Variants in GPC5 observed in about 807,000 individuals in gnomAD.
GPC5 encodes glypican 5.
In GPC5, 47 loss-of-function variants were observed where a neutral mutation model predicts 53.9. That is an observed-to-expected ratio of 0.87 (90% CI 0.69 to 1.11). The LOEUF is 1.11. Ranked by LOEUF, GPC5 falls within the 50% of genes most tolerant of loss-of-function variation. The pLI is 0.00. For synonymous variants in GPC5, 286 were observed against 263.3 expected (o/e 1.09, Z -0.84); for missense variants, 748 against 713.1 (o/e 1.05, Z -0.56).
chr13:92,583,967 C>T (rs1017669861), intron 7 of GPC5, among the ~76,000 whole-genome samples: 1 of 152,160 alleles, frequency 6.6e-6, no homozygotes, highest in African/African-American at 2.4e-5. Flanking sequence ...TCCTTGCCTT[C>T]CACCATGATT....
chr13:92,633,939 A>C (rs568580637), intron 7 of GPC5, among the ~76,000 whole-genome samples: 4 of 152,074 alleles, frequency 2.6e-5, no homozygotes, highest in African/African-American at 9.7e-5. Context: ...TGTAGTTATT[A>C]TGTTAAGACA....
intron 7 of GPC5, among the ~76,000 whole-genome samples, chr13:92,858,840 G>A (rs1047218001): frequency 1.3e-5 from 2 of 152,126 alleles, no homozygotes; most frequent in African/African-American, 4.8e-5. Context: ...AAAAGAATTT[G>A]TCAGGGAGTG....
At chr13:91,497,429 C>A (rs912577263) in intron 2 of GPC5, among the ~76,000 whole-genome samples, 13 of 151,986 alleles carry the variant, frequency 8.6e-5, no homozygotes, top group African/African-American at 2.4e-4. Context: ...TATTTTTCTA[C>A]TTGTTGTAAT....
intron 7 of GPC5, among the ~76,000 whole-genome samples, chr13:92,590,430 C>T (rs1883677484): frequency 6.6e-6 from 1 of 152,182 alleles, no homozygotes; most frequent in African/African-American, 2.4e-5. Context: ...ACAGACTGCG[C>T]ACAGGAGACC....
At chr13:91,432,373 A>G (rs1251452019) in intron 1 of GPC5, among the ~76,000 whole-genome samples, 2 of 152,178 alleles carry the variant, frequency 1.3e-5, no homozygotes, top group East Asian at 3.8e-4. Context: ...TGAATTAATG[A>G]ACACAGAAAA....
intron 7 of GPC5, among the ~76,000 whole-genome samples, chr13:92,848,367 G>C (rs952309889): frequency 1.3e-5 from 2 of 152,120 alleles, no homozygotes; most frequent in African/African-American, 4.8e-5. Context: ...CATGAATTCT[G>C]TGAGTTTATG....
chr13:92,441,297 G>A (rs1238820149), intron 7 of GPC5, among the ~76,000 whole-genome samples: 1 of 152,178 alleles, frequency 6.6e-6, no homozygotes, highest in Non-Finnish European at 1.5e-5. Flanking sequence ...TCAAACTCCT[G>A]GCCTCAAGTG....
chr13:91,863,648 T>A (rs1014300075), intron 5 of GPC5, among the ~76,000 whole-genome samples: 1 of 152,156 alleles, frequency 6.6e-6, no homozygotes, highest in Non-Finnish European at 1.5e-5. Flanking sequence ...CTGATTAAAG[T>A]CCATGCATCC....
At chr13:92,125,543 T>G (rs753599510) in intron 6 of GPC5, among the ~76,000 whole-genome samples, 1 of 150,296 alleles carries the variant, frequency 6.7e-6, no homozygotes, top group Non-Finnish European at 1.5e-5. Context: ...ATATCGGGAG[T>G]AGGAGGAGGA....
chr13:92,440,143 G>A (rs1055258996), intron 7 of GPC5, among the ~76,000 whole-genome samples: 1 of 152,122 alleles, frequency 6.6e-6, no homozygotes, highest in African/African-American at 2.4e-5. Context: ...ATATGCAGGT[G>A]CATTACATAA....
At chr13:92,088,710 G>GTA (rs2138892201) in intron 6 of GPC5, among the ~76,000 whole-genome samples, 1 of 152,220 alleles carries the variant, frequency 6.6e-6, no homozygotes, top group Admixed American at 6.5e-5. Flanking sequence ...GCGTCTCTGT[G>GTA]TATATATATC....
intron 2 of GPC5, among the ~76,000 whole-genome samples, chr13:91,531,156 G>A (rs1886323025): frequency 6.6e-6 from 1 of 152,172 alleles, no homozygotes; most frequent in Non-Finnish European, 1.5e-5. Context: ...CAATACCTTT[G>A]AGTAATGATT....
chr13:92,418,336 A>C (rs1409334856), intron 7 of GPC5, among the ~76,000 whole-genome samples: 1 of 146,732 alleles, frequency 6.8e-6, no homozygotes, highest in African/African-American at 2.6e-5. Flanking sequence ...CAAAGCTCTT[A>C]TATTTTTTAA....
chr13:92,843,321 T>G (rs965573351), intron 7 of GPC5, among the ~76,000 whole-genome samples: 1 of 152,200 alleles, frequency 6.6e-6, no homozygotes, highest in African/African-American at 2.4e-5. Context: ...TTTTTGAGTC[T>G]AATTCGCTGA....
In GPC5 at chr13:92,109,061, G is replaced by GTTTTT. The variant is rs35762919; in HGVS notation, c.1402-35750_1402-35746dup. Among the ~76,000 whole-genome samples, 41 of 87,508 alleles carry GTTTTT rather than the reference G, an allele frequency of 4.7e-4. 2 individuals are homozygous for GTTTTT. The highest frequency in any genetic ancestry group is 5.4e-4 in the Non-Finnish European group (25 of 46,190). The allele number at this position is 87,508 out of a possible 152,430, so 57.4% of individuals were successfully genotyped here. Reference sequence around the variant, plus strand: ...CTTCTATGTATGTATCAATATGTTGGTTTTTTTTTTTTTTTTTTTTTTTGA... The same window carrying GTTTTT: ...CTTCTATGTATGTATCAATATGTTGGTTTTTTTTTTTTTTTTTTTTTTTTTTTTGA... On this transcript the variant is annotated intron_variant, in intron 6 of 7. Coordinates refer to ENST00000377067, the MANE Select transcript of GPC5 (RefSeq NM_004466.6).
At chr13:91,564,837 C>T (rs1594260464) in intron 2 of GPC5, among the ~76,000 whole-genome samples, 1 of 151,956 alleles carries the variant, frequency 6.6e-6, no homozygotes, top group East Asian at 1.9e-4. Flanking sequence ...AATATGTCGC[C>T]TTCAAATTAT....
chr13:91,549,037 A>C (rs1187302284), intron 2 of GPC5, among the ~76,000 whole-genome samples: 1 of 152,096 alleles, frequency 6.6e-6, no homozygotes. Context: ...TTGGGAGGCC[A>C]AGGTGGTCGG....
At chr13:92,812,069 C>T (rs1877319219) in intron 7 of GPC5, among the ~76,000 whole-genome samples, 1 of 151,802 alleles carries the variant, frequency 6.6e-6, no homozygotes, top group Non-Finnish European at 1.5e-5. Context: ...ATTATTTTGG[C>T]CATTTGTGGA....
At chr13:91,441,882 C>T (rs1417349943) in intron 1 of GPC5, among the ~76,000 whole-genome samples, 1 of 152,140 alleles carries the variant, frequency 6.6e-6, no homozygotes, top group Non-Finnish European at 1.5e-5. Context: ...TTTGGTATTT[C>T]ATAACATGTA....
Sources: gnomAD v4.1 joint callset for allele counts (sites outside exome capture counted in the v4.1 genomes callset) on GRCh38, gnomAD v4.1.1 for gene constraint, MANE v1.5 for transcripts, NCBI Gene and HGNC (gene_info 2026-07-23, HGNC 2026-07-21) for gene names.